GLO1: variants seen among roughly 807,000 people sequenced by gnomAD.
GLO1 encodes the protein glyoxalase I.
In GLO1, 28 loss-of-function variants were observed where a neutral mutation model predicts 26.0. That is an observed-to-expected ratio of 1.08 (90% confidence interval 0.80 to 1.48). The LOEUF (loss-of-function observed/expected upper bound fraction) is 1.48. Among genes scored for constraint, GLO1 ranks in the 40% most tolerant of loss-of-function variants. GLO1 has a pLI of 0.00. For synonymous variants in GLO1, 78 were observed against 77.6 expected (o/e 1.00, Z -0.03); for missense variants, 225 against 224.8 (o/e 1.00, Z -0.01).
At chr6:38,687,859 C>T (rs1228060843) in intron 1 of GLO1, among the ~76,000 whole-genome samples, 2 of 151,840 alleles carry the variant, frequency 1.3e-5, no homozygotes, top group Non-Finnish European at 2.9e-5. Context: ...CCTTCCAGAC[C>T]ATAAGTCTGT....
chr6:38,691,739 A>C (rs1312496850), intron 1 of GLO1, among the ~76,000 whole-genome samples: 1 of 145,280 alleles, frequency 6.9e-6, no homozygotes, highest in Non-Finnish European at 1.5e-5. Context: ...AGCACCAGTA[A>C]ATGGATTTTT....
chr6:38,678,919 G>A (rs946407230), intron 5 of GLO1, among the ~76,000 whole-genome samples: 3 of 152,178 alleles, frequency 2.0e-5, no homozygotes, highest in East Asian at 3.9e-4. Flanking sequence ...ATTGTCCTGA[G>A]ATCATGTGGG....
Position 38,677,131 on chromosome 6 carries a change from A to G in GLO1, c.*164T>C, listed in dbSNP as rs16890915. On this transcript the variant is annotated 3_prime_UTR_variant, in exon 6 of 6. Transcript: ENST00000373365. ...ACTGCTTGAAAACCAGAATGACTGAACAGTTAGGTGAAAAGGAACAGCTGA... is the reference window on the plus strand; with the variant it reads ...ACTGCTTGAAAACCAGAATGACTGAGCAGTTAGGTGAAAAGGAACAGCTGA... 3,117 of 635,106 alleles carry G rather than the reference A, an allele frequency of 4.9e-3. 80 individuals are homozygous for G. In the African/African-American group the frequency reaches 0.051, roughly 10 times the overall value. The allele number at this position is 635,106 out of a possible 1,614,324, so 39.3% of individuals were successfully genotyped here. A position where few individuals can be genotyped will look rare whatever the true frequency, so the allele number is the denominator to read the frequency against.
chr6:38,679,374 T>G (rs549290870), intron 5 of GLO1, among the ~76,000 whole-genome samples: 1 of 152,152 alleles, frequency 6.6e-6, no homozygotes, highest in Non-Finnish European at 1.5e-5. Flanking sequence ...CATAGCTCAC[T>G]GCAGCCTTGA....
chr6:38,694,006 G>T (rs1463493804), intron 1 of GLO1, among the ~76,000 whole-genome samples: 2 of 152,022 alleles, frequency 1.3e-5, no homozygotes, highest in Non-Finnish European at 2.9e-5. Flanking sequence ...CACTGCACCC[G>T]GCCTCAGCTC....
intron 1 of GLO1, among the ~76,000 whole-genome samples, chr6:38,694,723 G>C (rs1761584342): frequency 6.6e-6 from 1 of 151,736 alleles, no homozygotes; most frequent in Non-Finnish European, 1.5e-5. Flanking sequence ...TATAATTTTA[G>C]ATTTTTCTAT....
rs765786862 is a variant in GLO1 at position 38,682,041 on chromosome 6, C to T, written c.437G>A (p.Gly146Glu). The change falls in exon 5 of 6, where the codon GGA becomes GAA. Residue 146 changes from glycine (G) to glutamate (E), a missense_variant. Transcript: ENST00000373365. ...ATCAGGTTTCTTCACAAATTTGACT[C>T]CCAGTTCTTCAAACCTTTTACAAGC... ...YSACKRFEEL[G>E]VKFVKKPDDG... The T allele has an allele frequency of 3.2e-6, 5 of 1,585,350 alleles. No individual in the cohort carries two copies. The South Asian group carries it at 5.5e-5, about 18-fold the overall frequency.
rs1477490444 is a variant in GLO1, at chr6:38,693,679, CTCTCTCTATATATA to C, written c.85-6719_85-6706del. Among the ~76,000 whole-genome samples, 887 of 96,372 alleles carry C rather than the reference CTCTCTCTATATATA, an allele frequency of 9.2e-3. 12 individuals are homozygous for C. Among genetic ancestry groups the C allele is most frequent in the Non-Finnish European group, 0.014 (674 of 46,758 alleles). 63.2% of individuals were successfully genotyped at this position (96,372 alleles called of 152,430 possible). On this transcript the variant is annotated intron_variant, in intron 1 of 5. Coordinates refer to ENST00000373365, the MANE Select transcript of GLO1 (RefSeq NM_006708.3). ...TTCAGCTCTCTCTCTCTCTCTCTCT[CTCTCTCTATATATA>C]TATATATATATATTTGTTTTGTTTT...
At chr6:38,693,719 G>C (rs145743803) in intron 1 of GLO1, among the ~76,000 whole-genome samples, 1 of 114,990 alleles carries the variant, frequency 8.7e-6, no homozygotes, top group Non-Finnish European at 1.8e-5. Context: ...GTTTTGTTTT[G>C]TTTTGTTTTG....
At chr6:38,677,596 T>C (rs1183367911) in intron 5 of GLO1, among the ~76,000 whole-genome samples, 1 of 152,064 alleles carries the variant, frequency 6.6e-6, no homozygotes, top group Non-Finnish European at 1.5e-5. Context: ...TTTTTGATTT[T>C]GTAGAGGCGG....
intron 5 of GLO1, among the ~76,000 whole-genome samples, chr6:38,678,380 G>C (rs1562479509): frequency 1.6e-5 from 1 of 62,980 alleles, no homozygotes; most frequent in Admixed American, 1.7e-4. Flanking sequence ...GAGGGAGAGA[G>C]AGGAAGGAAG....
intron 1 of GLO1, 107 bp downstream of exon 1, chr6:38,702,864 C>T (rs1163230825): frequency 7.5e-6 from 5 of 663,252 alleles, no homozygotes; most frequent in African/African-American, 1.9e-5. Flanking sequence ...TCCCGTCCGC[C>T]CGAGGCCGGC....
chr6:38,679,659 G>A (rs764152152), intron 5 of GLO1, among the ~76,000 whole-genome samples: 1 of 152,022 alleles, frequency 6.6e-6, no homozygotes, highest in Non-Finnish European at 1.5e-5. Flanking sequence ...GCCATACATG[G>A]TGGCATTTGC....
Position 38,677,278 on chromosome 6 carries a change from G to T in GLO1, c.*17C>A, listed in dbSNP as rs1398872032. ...GTTTCCTTTCTTCTGAAATCTCAAA[G>T]GAGAATTCTCACAGCACTACATTAA... On this transcript the variant is annotated 3_prime_UTR_variant, in exon 6 of 6. Transcript: ENST00000373365. The T allele has an allele frequency of 1.4e-5, 16 of 1,130,302 alleles. No homozygotes were observed. Among genetic ancestry groups the T allele is most frequent in the Non-Finnish European group, 2.2e-5 (16 of 739,178 alleles). The allele number at this position is 1,130,302 out of a possible 1,614,324, so 70.0% of individuals were successfully genotyped here.
chr6:38,681,052 G>A (rs1024245632), intron 5 of GLO1, among the ~76,000 whole-genome samples: 3 of 152,154 alleles, frequency 2.0e-5, no homozygotes, highest in African/African-American at 7.2e-5. Context: ...TTGGGGAGAA[G>A]ATTTGGATAT....
At chr6:38,683,065 A>G (rs4714175) in intron 3 of GLO1, 190 bp from the exon 4 acceptor site, 299,932 of 553,230 alleles carry the variant, frequency 0.54, 83,073 homozygotes, top group African/African-American at 0.69. Context: ...ACGAGACTAA[A>G]GAGACAGTAA....
rs115203804 is a variant in GLO1, at chr6:38,682,744, A to C, written c.376+64T>G. 8.5e-6 allele frequency: 7 copies of C among 820,072 alleles called. No individual in the cohort carries two copies. In the African/African-American group the frequency reaches 1.0e-4, roughly 12 times the overall value. The allele number at this position is 820,072 out of a possible 1,614,324, so 50.8% of individuals were successfully genotyped here. A position where few individuals can be genotyped will look rare whatever the true frequency, so the allele number is the denominator to read the frequency against. Reference sequence around the variant, plus strand: ...AATGTTTTAGGTTTATTAAAATCATAATTATATACATAATACAAAATCACA... The same window carrying C: ...AATGTTTTAGGTTTATTAAAATCATCATTATATACATAATACAAAATCACA... On this transcript the variant is annotated intron_variant, in intron 4 of 5. Coordinates refer to ENST00000373365, the MANE Select transcript of GLO1 (RefSeq NM_006708.3).
In GLO1 at chr6:38,703,093, A is replaced by G; in HGVS notation, c.-39T>C. 8.4e-7 allele frequency: 1 copy of G among 1,187,952 alleles called. No individual in the cohort carries two copies. Among genetic ancestry groups the G allele is most frequent in the Non-Finnish European group, 1.2e-6 (1 of 808,746 alleles). The allele number at this position is 1,187,952 out of a possible 1,614,324, so 73.6% of individuals were successfully genotyped here. On this transcript the variant is annotated 5_prime_UTR_variant, in exon 1 of 6. Coordinates refer to ENST00000373365, the MANE Select transcript of GLO1 (RefSeq NM_006708.3). ...TATCACAGACGACGGGACCCAAGGA[A>G]CGGAGGAGTCACCCACACTACGCCT...
At chr6:38,681,354 G>A (rs753774308) in intron 5 of GLO1, among the ~76,000 whole-genome samples, 67 of 152,094 alleles carry the variant, frequency 4.4e-4, no homozygotes, top group Non-Finnish European at 8.4e-4. Flanking sequence ...GAGCCACCAC[G>A]CCCAGCACTG....
Sources: gnomAD v4.1 joint callset for allele counts (sites outside exome capture counted in the v4.1 genomes callset) on GRCh38, gnomAD v4.1.1 for gene constraint, MANE v1.5 for transcripts, NCBI Gene and HGNC (gene_info 2026-07-23, HGNC 2026-07-21) for gene names.